Variants in ANO3 observed in about 807,000 individuals in gnomAD.
ANO3 encodes anoctamin 3, also known as anoctamin-3.
A neutral mutation model predicts 144.8 loss-of-function variants in ANO3; 99 were observed. That is an observed-to-expected ratio of 0.68 (90% CI 0.58 to 0.81). The LOEUF is 0.81. ANO3 is among the 30% of genes least tolerant of loss of function. The pLI, the probability that ANO3 is intolerant of heterozygous loss-of-function variation, is 0.00. For synonymous variants in ANO3, 414 were observed against 392.6 expected (o/e 1.05, Z -0.64); for missense variants, 905 against 1,202.2 (o/e 0.75, Z 3.66).
chr11:26,189,667 A>G (rs1213882068), intron 1 of ANO3, among the ~76,000 whole-genome samples: 1 of 152,178 alleles, frequency 6.6e-6, no homozygotes, highest in Non-Finnish European at 1.5e-5. Context: ...CAGGAATCTT[A>G]ACCATAAACT....
chr11:26,626,244 T>C (rs971607846), intron 18 of ANO3, among the ~76,000 whole-genome samples: 8 of 141,286 alleles, frequency 5.7e-5, no homozygotes, highest in African/African-American at 2.0e-4. Context: ...CCCATCAATA[T>C]TGATATCCAT....
intron 1 of ANO3, among the ~76,000 whole-genome samples, chr11:26,256,980 C>T (rs1229693668): frequency 1.3e-5 from 2 of 151,790 alleles, no homozygotes; most frequent in African/African-American, 2.4e-5. Flanking sequence ...CATAGAACAA[C>T]CCCCAGCAAA....
At chr11:26,363,593 C>T (rs111919341) in intron 1 of ANO3, among the ~76,000 whole-genome samples, 1 of 152,058 alleles carries the variant, frequency 6.6e-6, no homozygotes, top group Non-Finnish European at 1.5e-5. Flanking sequence ...CTTTAAAGGG[C>T]ATATCTCCAA....
chr11:26,494,473 A>T (rs1011987298), intron 4 of ANO3, among the ~76,000 whole-genome samples: 1 of 152,174 alleles, frequency 6.6e-6, no homozygotes, highest in African/African-American at 2.4e-5. Context: ...AGTAGAAGTG[A>T]GTCTTCACCT....
chr11:26,330,598 A>G (rs181648806), upstream of ANO3, among the ~76,000 whole-genome samples: 150 of 152,342 alleles, frequency 9.8e-4, no homozygotes, highest in African/African-American at 3.4e-3. Context: ...CTTTAAGACC[A>G]GTTACTGAAC....
chr11:26,424,079 A>T (rs1005087064), intron 1 of ANO3, among the ~76,000 whole-genome samples: 2 of 151,958 alleles, frequency 1.3e-5, no homozygotes, highest in African/African-American at 4.8e-5. Context: ...TAAGTAATTA[A>T]CCTCCCAAAG....
chr11:26,341,560 G>A (rs557363101), intron 1 of ANO3, among the ~76,000 whole-genome samples: 11 of 152,088 alleles, frequency 7.2e-5, no homozygotes, highest in Non-Finnish European at 1.2e-4. Context: ...ACTTCATTTC[G>A]CAGATGTATT....
At chr11:26,267,972 G>C (rs901064218) in intron 1 of ANO3, among the ~76,000 whole-genome samples, 1 of 151,972 alleles carries the variant, frequency 6.6e-6, no homozygotes, top group African/African-American at 2.4e-5. Flanking sequence ...CTGTGAATAA[G>C]AGCAAAATTT....
At chr11:26,290,440 G>A (rs1316944404) in intron 1 of ANO3, among the ~76,000 whole-genome samples, 1 of 152,028 alleles carries the variant, frequency 6.6e-6, no homozygotes, top group Non-Finnish European at 1.5e-5. Context: ...ATTATTTCCT[G>A]CCTTCTGCTA....
intron 13 of ANO3, among the ~76,000 whole-genome samples, chr11:26,556,594 A>G (rs534765046): frequency 6.6e-6 from 1 of 152,258 alleles, no homozygotes; most frequent in South Asian, 2.1e-4. Context: ...CAAACTCTCT[A>G]TGTTAACAAG....
intron 14 of ANO3, among the ~76,000 whole-genome samples, chr11:26,566,193 A>AT (rs1306396010): frequency 6.6e-6 from 1 of 151,954 alleles, no homozygotes; most frequent in East Asian, 1.9e-4. Context: ...GAAGAAAACC[A>AT]TAAAAACCCA....
At chr11:26,577,546 A>AAG (rs1491104769) in intron 14 of ANO3, among the ~76,000 whole-genome samples, 1 of 142,400 alleles carries the variant, frequency 7.0e-6, no homozygotes, top group Non-Finnish European at 1.5e-5. Context: ...CCTGGGCAAC[A>AAG]AGAGAGAGAC....
chr11:26,303,536 G>T (rs564896153), intron 1 of ANO3, among the ~76,000 whole-genome samples: 1 of 152,002 alleles, frequency 6.6e-6, no homozygotes, highest in Non-Finnish European at 1.5e-5. Flanking sequence ...AGACACTGGG[G>T]ACTATTAAGA....
intron 14 of ANO3, chr11:26,567,286 T>A (rs1176068021): frequency 2.1e-6 from 1 of 473,304 alleles, no homozygotes; most frequent in Non-Finnish European, 3.5e-6. Flanking sequence ...AGTACTGATT[T>A]CATGTTTTTG....
chr11:26,631,344 A>G (rs1852772655), intron 18 of ANO3, among the ~76,000 whole-genome samples: 1 of 151,780 alleles, frequency 6.6e-6, no homozygotes, highest in Non-Finnish European at 1.5e-5. Flanking sequence ...GCTTCTTTGA[A>G]GGAAAAACTA....
At chr11:26,433,585 T>C (rs1156699892) in intron 1 of ANO3, among the ~76,000 whole-genome samples, 2 of 152,196 alleles carry the variant, frequency 1.3e-5, no homozygotes, top group East Asian at 1.9e-4. Context: ...GCCTAGTTTA[T>C]TGAGAGTTTT....
At chr11:26,425,857 T>A (rs1251736859) in intron 1 of ANO3, among the ~76,000 whole-genome samples, 1 of 152,070 alleles carries the variant, frequency 6.6e-6, no homozygotes, top group Non-Finnish European at 1.5e-5. Context: ...TACTTTGGAG[T>A]AAATGGATGG....
intron 1 of ANO3, among the ~76,000 whole-genome samples, chr11:26,414,299 A>G (rs1385051230): frequency 6.6e-6 from 1 of 152,134 alleles, no homozygotes; most frequent in Non-Finnish European, 1.5e-5. Context: ...ACGTATGTTT[A>G]TTGCAGCACT....
intron 1 of ANO3, among the ~76,000 whole-genome samples, chr11:26,241,541 A>G (rs1444294306): frequency 6.6e-6 from 1 of 152,216 alleles, no homozygotes; most frequent in African/African-American, 2.4e-5. Context: ...TTTCCCATGT[A>G]TGATCTGACA....
Sources: allele counts gnomAD v4.1 joint callset (sites outside exome capture counted in the v4.1 genomes callset), GRCh38; gene constraint gnomAD v4.1.1; transcripts MANE v1.5; gene names NCBI Gene and HGNC (gene_info 2026-07-23, HGNC 2026-07-21).